CMAS: variants seen among roughly 807,000 people sequenced by gnomAD.
CMAS encodes the protein N-acylneuraminate cytidylyltransferase.
CMAS carries 21 observed loss-of-function variants against 53.4 expected under a neutral mutation model. The ratio of observed to expected loss-of-function variants is 0.39; its 90% CI spans 0.28 to 0.57. The LOEUF (loss-of-function observed/expected upper bound fraction) is 0.57. Ranked by LOEUF, CMAS falls within the 20% of genes least tolerant of loss-of-function variation. CMAS has a pLI of 0.56. For missense variants in CMAS, 384 were observed against 534.9 expected (o/e 0.72, Z 2.78); for synonymous variants, 189 against 195.2 (o/e 0.97, Z 0.27).
In CMAS at chr12:22,064,807, A is replaced by AAAAATTT. The variant is rs570387436; in HGVS notation, c.1115-310_1115-304dup. 1.7e-4 allele frequency among the ~76,000 whole-genome samples: 26 copies of AAAAATTT among 152,314 alleles called. No individual in the cohort carries two copies. In the East Asian group the frequency reaches 4.8e-3, roughly 28 times the overall value. On this transcript the variant is annotated intron_variant, in intron 7 of 7. Transcript: ENST00000229329. ...CATATGTTTGAAATTTTGCTTAATGAAAAATTTAAATAACTTACTTAGAAT... is the reference window on the plus strand; with the variant it reads ...CATATGTTTGAAATTTTGCTTAATGAAAAATTTAAAATTTAAATAACTTACTTAGAAT...
chr12:22,046,591 G>C (rs750299694), intron 1 of CMAS, 28 bp downstream of exon 1: 5 of 1,500,400 alleles, frequency 3.3e-6, no homozygotes, highest in East Asian at 2.6e-5. Context: ...TGGGCGGCGC[G>C]GCCTGGGCGG....
At chr12:22,051,713 G>T (rs143575486) in intron 1 of CMAS, among the ~76,000 whole-genome samples, 1 of 152,170 alleles carries the variant, frequency 6.6e-6, no homozygotes, top group African/African-American at 2.4e-5. Context: ...TTTTTTCACA[G>T]TGTAATTGCT....
At chr12:22,047,439 G>A (rs909456646) in intron 1 of CMAS, among the ~76,000 whole-genome samples, 3 of 151,946 alleles carry the variant, frequency 2.0e-5, no homozygotes, top group Non-Finnish European at 2.9e-5. Context: ...TTGATGTTTC[G>A]ATTTTTAAAG....
chr12:22,062,219 T>C (rs1950312477), intron 6 of CMAS, 62 bp from the exon 7 acceptor site: 1 of 1,440,672 alleles, frequency 6.9e-7, no homozygotes, highest in African/African-American at 1.4e-5. Context: ...GAAAGATTTC[T>C]GTTTTCTTCA....
intron 1 of CMAS, among the ~76,000 whole-genome samples, chr12:22,053,365 ATGTGTG>A (rs72047393): frequency 0.15 from 22,219 of 150,792 alleles, 2,213 homozygotes; most frequent in East Asian, 0.48. Flanking sequence ...AAAAATATAT[ATGTGTG>A]TGTGTATATG....
At chr12:22,063,819 G>GC (rs1950325415) in intron 7 of CMAS, 1 of 151,768 alleles carries the variant, frequency 6.6e-6, no homozygotes, top group African/African-American at 2.4e-5. Context: ...AGCAGGCCAG[G>GC]CATGATGGCT....
rs775651833 is a variant in CMAS at position 22,046,403 on chromosome 12, G to A, written c.100G>A (p.Gly34Ser). 3 of 1,591,574 alleles carry A rather than the reference G, an allele frequency of 1.9e-6. No homozygotes were observed. The highest frequency in any genetic ancestry group is 1.7e-4 in the Middle Eastern group (1 of 5,936). Residue 34 changes from glycine to serine, a missense_variant, in exon 1 of 8, where the codon GGC becomes AGC. Physicochemically the swap from Gly to Ser is moderately conservative, Grantham distance 56. This residue lies in a region of CMAS where 111 missense variants were observed against 132.2 expected (regional missense o/e 0.84). Transcript: ENST00000229329. ...PPKLQRNSRG[G>S]QGRGVEKPPH... ...GAAGCTGCAGCGCAACTCTCGCGGC[G>A]GCCAGGGCCGAGGTGTGGAGAAGCC...
At chr12:22,060,479 A>G (rs1950301754) in intron 4 of CMAS, among the ~76,000 whole-genome samples, 1 of 151,582 alleles carries the variant, frequency 6.6e-6, no homozygotes, top group South Asian at 2.1e-4. Context: ...GCAAGATCTT[A>G]TATCTACAAA....
chr12:22,063,495 C>G (rs1416882581), intron 7 of CMAS, among the ~76,000 whole-genome samples: 2 of 151,796 alleles, frequency 1.3e-5, no homozygotes, highest in Non-Finnish European at 2.9e-5. Flanking sequence ...TAAACACAAA[C>G]CAAATTTTAT....
chr12:22,065,298 C>T lies in CMAS; in HGVS notation c.1292C>T (p.Ser431Leu). 1 of 1,607,208 alleles carries T rather than the reference C, an allele frequency of 6.2e-7. No individual in the cohort carries two copies. Reference protein sequence around the residue: ...ICLLMEKVNNSCQK With the variant: ...ICLLMEKVNNLCQK ...CTACTAATGGAAAAGGTTAATAATT[C>T]ATGCCAAAAATAGAAATTAGCGTAA... The change falls in exon 8 of 8, where the codon TCA (serine) becomes TTA (leucine). Residue 431 changes from serine to leucine, a missense_variant. By Grantham distance (145) the Ser-to-Leu change is moderately radical (BLOSUM62 -2). Transcript: ENST00000229329.
At chr12:22,053,265 T>C (rs1950247123) in intron 1 of CMAS, among the ~76,000 whole-genome samples, 2 of 151,936 alleles carry the variant, frequency 1.3e-5, no homozygotes, top group South Asian at 4.2e-4. Flanking sequence ...TACTCCAGCC[T>C]GGGTGACAGA....
rs766293898 is a variant in CMAS at position 22,055,450 on chromosome 12, T to G, written c.404-5T>G. The G allele has an allele frequency of 6.3e-7, 1 of 1,575,454 alleles. No homozygotes were observed. The highest frequency in any genetic ancestry group is 8.6e-7 in the Non-Finnish European group (1 of 1,166,900). On this transcript the variant is annotated splice_polypyrimidine_tract_variant and splice_region_variant and intron_variant, in intron 2 of 7. Transcript: ENST00000229329. ...TATCCTTTTCATTTCTCTTGTCTTT[T>G]TAAGAGGTTGACATTGTAGGAAATA...
chr12:22,060,836 GA>G lies in CMAS; in HGVS notation c.703del (p.Met235TrpfsTer14). 2 of 1,597,674 alleles carry G rather than the reference GA, an allele frequency of 1.3e-6. No individual in the cohort carries two copies. Among genetic ancestry groups the G allele is most frequent in the Non-Finnish European group, 1.7e-6 (2 of 1,165,936 alleles). ...TGACATTTATACTACCTTTAGGGTGGAAAAATGGCATACTACGAAATGCGAG... is the reference window on the plus strand; with the variant it reads ...TGACATTTATACTACCTTTAGGGTGGAAAATGGCATACTACGAAATGCGAG... ...HLIEMGYLQG[G>X]KMAYYEMRAE... is the part of the protein sequence containing the mutation. On this transcript the variant is annotated frameshift_variant, in exon 5 of 8. Coordinates refer to ENST00000229329, the MANE Select transcript of CMAS (RefSeq NM_018686.6). LOFTEE classifies it high-confidence loss of function.
intron 1 of CMAS, among the ~76,000 whole-genome samples, chr12:22,051,397 G>A (rs567219951): frequency 2.6e-5 from 4 of 152,310 alleles, no homozygotes; most frequent in African/African-American, 9.6e-5. Context: ...TTTGATTAAT[G>A]AAAGGCCTAT....
chr12:22,062,224 T>G, intron 6 of CMAS, 57 bp from the exon 7 acceptor site: 1 of 1,472,796 alleles, frequency 6.8e-7, no homozygotes, highest in Non-Finnish European at 9.1e-7. Flanking sequence ...ATTTCTGTTT[T>G]CTTCACTTTT....
chr12:22,063,007 GTATT>G (rs1387926479), intron 7 of CMAS, among the ~76,000 whole-genome samples: 4 of 152,118 alleles, frequency 2.6e-5, no homozygotes, highest in African/African-American at 9.7e-5. Flanking sequence ...GCTGTGACCT[GTATT>G]TATTTGCATG....
intron 3 of CMAS, 59 bp downstream of exon 3, chr12:22,055,669 A>G: frequency 1.4e-6 from 2 of 1,458,446 alleles, no homozygotes; most frequent in East Asian, 2.3e-5. Context: ...TTTTTTGTAT[A>G]TAAATATCCT....
chr12:22,057,072 T>A (rs1950272887), intron 3 of CMAS, among the ~76,000 whole-genome samples: 1 of 152,192 alleles, frequency 6.6e-6, no homozygotes, highest in Non-Finnish European at 1.5e-5. Context: ...TTGTATTTGC[T>A]AAGGTTTTTT....
At position 22,046,534 on chromosome 12, in the gene CMAS, T is replaced by C; in HGVS notation, c.231T>C (p.Arg77=). 1 of 1,600,536 alleles carries C rather than the reference T, an allele frequency of 6.2e-7. No individual in the cohort carries two copies. The highest frequency in any genetic ancestry group is 8.5e-7 in the Non-Finnish European group (1 of 1,174,842). The change falls in exon 1 of 8, where the codon CGT becomes CGC. Residue 77 remains arginine (R), a synonymous_variant. Coordinates refer to ENST00000229329, the MANE Select transcript of CMAS (RefSeq NM_018686.6). Reference sequence around the variant, plus strand: ...TCCCGCTCATTGGCTGGGTCCTGCGTGCGGCCCTGGATTCAGGGGCCTTCC... The same window carrying C: ...TCCCGCTCATTGGCTGGGTCCTGCGCGCGGCCCTGGATTCAGGGGCCTTCC... ...AGVPLIGWVL[R]AALDSGAFQS...
Sources: allele counts gnomAD v4.1 joint callset (sites outside exome capture counted in the v4.1 genomes callset), GRCh38; gene constraint gnomAD v4.1.1; regional missense constraint gnomAD v4.1.1; transcripts MANE v1.5; gene names NCBI Gene and HGNC (gene_info 2026-07-23, HGNC 2026-07-21).